The following OSBPL8 variants were observed in gnomAD, a reference collection of about 807,000 sequenced individuals.
The protein encoded by OSBPL8 is oxysterol binding protein like 8.
Under a neutral mutation model 125.5 loss-of-function variants are expected in OSBPL8, and 59 were observed. The observed-to-expected ratio is 0.47, with a 90% confidence interval of 0.38 to 0.58. The LOEUF is 0.58. Among genes scored for constraint, OSBPL8 ranks in the 20% least tolerant of loss-of-function variants. OSBPL8 has a pLI of 0.00. For synonymous variants in OSBPL8, 330 were observed against 338.9 expected, an observed-to-expected ratio of 0.97 and a Z score of 0.29; for missense variants, 758 against 1,047.8, an observed-to-expected ratio of 0.72 and a Z score of 3.82.
chr12:76,416,104 T>G (rs1868632564), intron 4 of OSBPL8, among the ~76,000 whole-genome samples: 1 of 152,134 alleles, frequency 6.6e-6, no homozygotes, highest in African/African-American at 2.4e-5. Flanking sequence ...AATTTCGATA[T>G]GTAATGCTTT....
rs1954107514 is a variant in OSBPL8, at chr12:76,402,839, A to G, written c.289-73T>C. 5 of 979,834 alleles carry G rather than the reference A, an allele frequency of 5.1e-6. No individual in the cohort carries two copies. In the East Asian group the frequency reaches 1.0e-4, roughly 20 times the overall value. The allele number at this position is 979,834 out of a possible 1,614,324, so 60.7% of individuals were successfully genotyped here. On this transcript the variant is annotated intron_variant, in intron 5 of 23. Coordinates refer to ENST00000261183, the MANE Select transcript of OSBPL8 (RefSeq NM_020841.5). ...CACGTCGCATAAAAATTAATGTTAAAATTATGTGACATTTTTCTCATTTAT... is the reference window on the plus strand; with the variant it reads ...CACGTCGCATAAAAATTAATGTTAAGATTATGTGACATTTTTCTCATTTAT...
At chr12:76,558,681 A>G (rs1418093823) in intron 1 of OSBPL8, among the ~76,000 whole-genome samples, 1 of 152,238 alleles carries the variant, frequency 6.6e-6, no homozygotes, top group African/African-American at 2.4e-5. Context: ...GATGTGTCTC[A>G]TAAAGAAGAG....
At chr12:76,385,079 T>C (rs528740824) in intron 14 of OSBPL8, among the ~76,000 whole-genome samples, 3 of 152,300 alleles carry the variant, frequency 2.0e-5, no homozygotes, top group South Asian at 2.1e-4. Context: ...CAACAATATA[T>C]TTACTTCTAA....
intron 4 of OSBPL8, among the ~76,000 whole-genome samples, chr12:76,432,413 C>T (rs952447983): frequency 6.6e-6 from 1 of 151,940 alleles, no homozygotes; most frequent in Non-Finnish European, 1.5e-5. Context: ...GACCGTGTGT[C>T]TACAAAAAAT....
intron 4 of OSBPL8, among the ~76,000 whole-genome samples, chr12:76,417,865 C>A (rs1212063494): frequency 6.6e-6 from 1 of 152,086 alleles, no homozygotes; most frequent in African/African-American, 2.4e-5. Context: ...GTTTCAGTTA[C>A]TTCTCATTCA....
intron 1 of OSBPL8, among the ~76,000 whole-genome samples, chr12:76,550,237 T>A (rs984289802): frequency 1.3e-5 from 2 of 151,992 alleles, no homozygotes; most frequent in Non-Finnish European, 2.9e-5. Context: ...ATATCCAAAT[T>A]TTTTTTTAAT....
At chr12:76,483,878 T>C (rs1877841577) in intron 2 of OSBPL8, among the ~76,000 whole-genome samples, 1 of 151,872 alleles carries the variant, frequency 6.6e-6, no homozygotes, top group African/African-American at 2.4e-5. Flanking sequence ...TTTCACCATG[T>C]TGGCCAGGCT....
chr12:76,505,322 G>C (rs988595955), intron 1 of OSBPL8, among the ~76,000 whole-genome samples: 3 of 152,222 alleles, frequency 2.0e-5, no homozygotes, highest in African/African-American at 7.2e-5. Flanking sequence ...ACAATGATCA[G>C]CAGCAATGAC....
chr12:76,512,922 T>C (rs890680771), intron 1 of OSBPL8, among the ~76,000 whole-genome samples: 2 of 152,246 alleles, frequency 1.3e-5, no homozygotes, highest in African/African-American at 4.8e-5. Flanking sequence ...GCTATATTCC[T>C]AGGTATCTTT....
chr12:76,499,303 A>ATAT lies in OSBPL8; in HGVS notation c.-67-11686_-67-11685insATA, dbSNP rs1429009979. On this transcript the variant is annotated intron_variant, in intron 1 of 23. Transcript: ENST00000261183. ...GATCATGTAAGTTAATACTTAATAA[A>ATAT]CTCTATCTATCTATCTATCTATCTA... Among the ~76,000 whole-genome samples the ATAT allele has an allele frequency of 4.9e-3, 297 of 60,032 alleles. 2 individuals are homozygous for ATAT. Among genetic ancestry groups the ATAT allele is most frequent in the Non-Finnish European group, 6.5e-3 (196 of 30,092 alleles). The allele number at this position is 60,032 out of a possible 152,430, so 39.4% of individuals were successfully genotyped here.
chr12:76,402,633 A>G (rs558825659), intron 6 of OSBPL8, 56 bp downstream of exon 6: 2 of 1,288,638 alleles, frequency 1.6e-6, no homozygotes, highest in East Asian at 2.3e-5. Context: ...GTCTACTTCC[A>G]AACACACATG....
At chr12:76,498,725 C>CTT (rs369287376) in intron 1 of OSBPL8, among the ~76,000 whole-genome samples, 1,204 of 102,416 alleles carry the variant, frequency 0.012, 40 homozygotes, top group East Asian at 0.063. Context: ...AGCCTCCCCA[C>CTT]TTTTTTTTTT....
At chr12:76,511,044 C>T in intron 1 of OSBPL8, among the ~76,000 whole-genome samples, 1 of 152,056 alleles carries the variant, frequency 6.6e-6, no homozygotes, top group East Asian at 1.9e-4. Context: ...TGTAATGTCC[C>T]TTAAACAAAG....
At chr12:76,540,683 T>TA (rs879331519) in intron 1 of OSBPL8, among the ~76,000 whole-genome samples, 391 of 142,758 alleles carry the variant, frequency 2.7e-3, no homozygotes, top group Middle Eastern at 3.6e-3. Flanking sequence ...ATTTTTTCTT[T>TA]AAAAAAAAAA....
At chr12:76,478,295 A>G (rs927792198) in intron 2 of OSBPL8, among the ~76,000 whole-genome samples, 2 of 152,156 alleles carry the variant, frequency 1.3e-5, no homozygotes, top group African/African-American at 4.8e-5. Flanking sequence ...CTGTGCCCTC[A>G]TGAGGATAAA....
rs112598452 is a variant in OSBPL8 at position 76,422,878 on chromosome 12, A to T, written c.218-12244T>A. The T allele has an allele frequency of 6.4e-3, 1,384 of 215,412 alleles. 16 individuals are homozygous for T. Among genetic ancestry groups the T allele is most frequent in the African/African-American group, 0.029 (1,283 of 44,790 alleles). 13.3% of individuals were successfully genotyped at this position (215,412 alleles called of 1,614,324 possible). On this transcript the variant is annotated intron_variant, in intron 4 of 23. Coordinates refer to ENST00000261183, the MANE Select transcript of OSBPL8 (RefSeq NM_020841.5). Reference sequence around the variant, plus strand: ...CATTAAACCATGCTGCTGATTTTTTAAAAAAAGGAACTGATAAACATGAAA... The same window carrying T: ...CATTAAACCATGCTGCTGATTTTTTTAAAAAAGGAACTGATAAACATGAAA...
chr12:76,553,271 C>G (rs1316483380), intron 1 of OSBPL8, among the ~76,000 whole-genome samples: 4 of 152,152 alleles, frequency 2.6e-5, no homozygotes, highest in Admixed American at 2.6e-4. Context: ...ACTATTCCTG[C>G]TAATATGTAG....
At chr12:76,530,450 C>A (rs1451204089) in intron 1 of OSBPL8, among the ~76,000 whole-genome samples, 2 of 152,032 alleles carry the variant, frequency 1.3e-5, no homozygotes, top group Non-Finnish European at 2.9e-5. Flanking sequence ...TGTTTAAATG[C>A]CATTTTATCA....
intron 4 of OSBPL8, among the ~76,000 whole-genome samples, chr12:76,436,484 A>C (rs1871461101): frequency 6.6e-6 from 1 of 151,870 alleles, no homozygotes; most frequent in East Asian, 1.9e-4. Context: ...CCCAATATCT[A>C]TCTGCATTTT....
Sources: allele counts gnomAD v4.1 joint callset (sites outside exome capture counted in the v4.1 genomes callset), GRCh38; gene constraint gnomAD v4.1.1; transcripts MANE v1.5; gene names NCBI Gene and HGNC (gene_info 2026-07-23, HGNC 2026-07-21).